Variants in NTM observed in about 807,000 individuals in gnomAD.
The protein encoded by NTM is IgLON family member 2.
In NTM, 13 loss-of-function variants were observed where a neutral mutation model predicts 42.1. The ratio of observed to expected loss-of-function variants is 0.31; its 90% CI spans 0.20 to 0.49. The LOEUF (loss-of-function observed/expected upper bound fraction) is 0.49, where lower values mean the gene tolerates loss of function less well. NTM is among the 20% of genes least tolerant of loss of function. The pLI is 0.99. For synonymous variants in NTM, 187 were observed against 179.2 expected (o/e 1.04, Z -0.35); for missense variants, 373 against 452.8 (o/e 0.82, Z 1.60).
At chr11:131,964,028 C>A (rs1199214189) in intron 2 of NTM, among the ~76,000 whole-genome samples, 1 of 152,096 alleles carries the variant, frequency 6.6e-6, no homozygotes, top group Admixed American at 6.6e-5. Context: ...AATTACCACA[C>A]AGGATTATAA....
intron 2 of NTM, among the ~76,000 whole-genome samples, chr11:132,015,078 T>C (rs2073134804): frequency 6.6e-6 from 1 of 151,794 alleles, no homozygotes; most frequent in Admixed American, 6.6e-5. Context: ...ATATGATGAG[T>C]GATGGGGTCT....
At chr11:131,601,953 G>A (rs1316132739) in intron 1 of NTM, among the ~76,000 whole-genome samples, 1 of 152,140 alleles carries the variant, frequency 6.6e-6, no homozygotes, top group African/African-American at 2.4e-5. Context: ...CCTAAACAGG[G>A]TGCCATATGG....
rs3222848 is a variant in NTM, at chr11:131,735,834, A to AGGGG, written c.83-175728_83-175727insGGGG. Among the ~76,000 whole-genome samples, 6 of 127,504 alleles carry AGGGG rather than the reference A, an allele frequency of 4.7e-5. No individual in the cohort carries two copies. The East Asian group carries it at 1.1e-3, about 24-fold the overall frequency. The allele number at this position is 127,504 out of a possible 152,430, so 83.6% of individuals were successfully genotyped here. A position where few individuals can be genotyped will look rare whatever the true frequency, so the allele number is the denominator to read the frequency against. ...GCCGTTCCTTAGATTTCCATTCATA[A>AGGGG]GGTGTGTGTGTGTGTGTGTGTGTGT... is the stretch of plus-strand genomic sequence containing the variant. On this transcript the variant is annotated intron_variant, in intron 1 of 8. Transcript: ENST00000683400.
At chr11:131,760,898 C>A (rs1029527398) in intron 1 of NTM, among the ~76,000 whole-genome samples, 13 of 152,186 alleles carry the variant, frequency 8.5e-5, no homozygotes, top group African/African-American at 3.1e-4. Context: ...CCCTCCTAAG[C>A]CCCTGTGACA....
At chr11:131,725,692 T>C (rs982592994) in intron 1 of NTM, among the ~76,000 whole-genome samples, 1 of 152,164 alleles carries the variant, frequency 6.6e-6, no homozygotes, top group South Asian at 2.1e-4. Context: ...AATGCACCTA[T>C]AGGGCCTTGA....
chr11:131,474,023 T>C (rs560834747), intron 1 of NTM, among the ~76,000 whole-genome samples: 1 of 152,310 alleles, frequency 6.6e-6, no homozygotes, highest in South Asian at 2.1e-4. Flanking sequence ...TCCAACTTTC[T>C]TTAAAAAGTA....
chr11:131,724,213 G>A (rs974220767), intron 1 of NTM, among the ~76,000 whole-genome samples: 6 of 152,238 alleles, frequency 3.9e-5, no homozygotes, highest in Admixed American at 6.5e-5. Context: ...CAGGGCGCCT[G>A]CACCCCTCAC....
intron 1 of NTM, among the ~76,000 whole-genome samples, chr11:131,599,336 C>T (rs34243147): frequency 0.085 from 12,535 of 147,964 alleles, 4,174 homozygotes; most frequent in East Asian, 0.34. Context: ...CGGCAGATGC[C>T]CTGTCTACCC....
At position 132,146,604 on chromosome 11, in the gene NTM, G is replaced by C; in HGVS notation, c.400+90G>C. 1 of 1,349,574 alleles carries C rather than the reference G, an allele frequency of 7.4e-7. No homozygotes were observed. The highest frequency in any genetic ancestry group is 1.9e-4 in the Middle Eastern group (1 of 5,386). 83.6% of individuals were successfully genotyped at this position (1,349,574 alleles called of 1,614,324 possible). ...TTGTTCTCTGATCCTCAACAGAGAT[G>C]AGTTATCCTTATTCTACGCATCTGG... On this transcript the variant is annotated intron_variant, in intron 3 of 8. Coordinates refer to ENST00000683400, the MANE Select transcript of NTM (RefSeq NM_001352005.2). This position sits in a 1 kb window ranked among gnomAD's most constrained non-coding sequence, Gnocchi z 4.5.
At chr11:131,881,758 T>A (rs1051299141) in intron 1 of NTM, among the ~76,000 whole-genome samples, 2 of 152,202 alleles carry the variant, frequency 1.3e-5, no homozygotes, top group African/African-American at 4.8e-5. Flanking sequence ...TTGAGTACCT[T>A]GTCTACCTAC....
At chr11:132,048,331 TG>T (rs1203568691) in intron 2 of NTM, among the ~76,000 whole-genome samples, 1 of 152,154 alleles carries the variant, frequency 6.6e-6, no homozygotes, top group Non-Finnish European at 1.5e-5. Flanking sequence ...GATTATATTT[TG>T]TAGTTTGTAA....
At chr11:131,801,719 C>A (rs1473733590) in intron 1 of NTM, among the ~76,000 whole-genome samples, 1 of 152,100 alleles carries the variant, frequency 6.6e-6, no homozygotes, top group East Asian at 1.9e-4. Context: ...ATGAGGAAAG[C>A]CCAGCTAGAT....
intron 1 of NTM, among the ~76,000 whole-genome samples, chr11:131,637,879 A>G (rs1290624644): frequency 2.0e-5 from 3 of 152,130 alleles, no homozygotes; most frequent in African/African-American, 7.2e-5. Context: ...GCTCTCAACA[A>G]TGGTAGAATT....
intron 2 of NTM, among the ~76,000 whole-genome samples, chr11:132,086,314 A>T (rs1459410815): frequency 6.8e-5 from 8 of 117,508 alleles, no homozygotes; most frequent in African/African-American, 1.2e-4. Flanking sequence ...ACAGAGCAAG[A>T]CTCCATGTCA....
At chr11:131,740,247 A>G (rs867004854) in intron 1 of NTM, among the ~76,000 whole-genome samples, 1 of 152,168 alleles carries the variant, frequency 6.6e-6, no homozygotes, top group Non-Finnish European at 1.5e-5. Flanking sequence ...GCCGGCATCC[A>G]TGTGCCTCGA....
At position 131,431,208 on chromosome 11, in the gene NTM, CG is replaced by C. The variant is rs373759519; in HGVS notation, c.82+60323del. Among the ~76,000 whole-genome samples, 138 of 152,122 alleles carry C rather than the reference CG, an allele frequency of 9.1e-4. 1 individual carries two copies. Among genetic ancestry groups the C allele is most frequent in the African/African-American group, 3.1e-3 (130 of 41,488 alleles). ...TCCCTGGTCATGTGCATCTCTCATT[CG>C]GGTGTCTTGTGGGCAGTGGGAGAGG... On this transcript the variant is annotated intron_variant, in intron 1 of 8. Coordinates refer to ENST00000683400, the MANE Select transcript of NTM (RefSeq NM_001352005.2).
At chr11:132,258,472 C>T (rs2092643234) in intron 4 of NTM, among the ~76,000 whole-genome samples, 1 of 152,012 alleles carries the variant, frequency 6.6e-6, no homozygotes, top group South Asian at 2.1e-4. Flanking sequence ...ATAGGATGTG[C>T]CACCCTAAGT....
chr11:132,140,111 G>T (rs574554760), intron 2 of NTM, among the ~76,000 whole-genome samples: 7 of 152,160 alleles, frequency 4.6e-5, no homozygotes, highest in Non-Finnish European at 8.8e-5. Flanking sequence ...TCTACTGCAG[G>T]TGATTTAAAT....
Position 131,999,417 on chromosome 11 carries a change from G to C in NTM, c.167+87769G>C, listed in dbSNP as rs146219760. ...ACTGTTAGGAGAGCCAACTGAAGTAGGGAGAACAGTTTGGGGTAAGAAAGG... is the reference window on the plus strand; with the variant it reads ...ACTGTTAGGAGAGCCAACTGAAGTACGGAGAACAGTTTGGGGTAAGAAAGG... On this transcript the variant is annotated intron_variant, in intron 2 of 8. Coordinates refer to ENST00000683400, the MANE Select transcript of NTM (RefSeq NM_001352005.2). Among the ~76,000 whole-genome samples the C allele has an allele frequency of 2.6e-3, 392 of 152,300 alleles. 4 individuals carry two copies. Among genetic ancestry groups the C allele is most frequent in the African/African-American group, 8.9e-3 (371 of 41,568 alleles).
Sources: gnomAD v4.1 joint callset for allele counts (sites outside exome capture counted in the v4.1 genomes callset) on GRCh38, gnomAD v4.1.1 for gene constraint, Gnocchi (gnomAD v3.1) non-coding constraint, MANE v1.5 for transcripts, NCBI Gene and HGNC (gene_info 2026-07-23, HGNC 2026-07-21) for gene names.